CTSH: variants seen among roughly 807,000 people sequenced by gnomAD.
The protein encoded by CTSH is cathepsin H.
Under a neutral mutation model 56.3 loss-of-function variants are expected in CTSH, and 52 were observed. That is an observed-to-expected ratio of 0.92 (90% CI 0.74 to 1.16). The LOEUF is 1.16. CTSH is among the 50% of genes most tolerant of loss of function. CTSH has a pLI of 0.00. For missense variants in CTSH, 406 were observed against 424.5 expected, an observed-to-expected ratio of 0.96 and a Z score of 0.38; for synonymous variants, 174 against 155.7, an observed-to-expected ratio of 1.12 and a Z score of -0.88.
chr15:78,935,166 A>G (rs2055149592), intron 4 of CTSH, 84 bp from the exon 5 acceptor site: 4 of 903,562 alleles, frequency 4.4e-6, no homozygotes, highest in South Asian at 3.1e-5. Flanking sequence ...ATGTATAAAC[A>G]TGGAATCACC....
chr15:78,931,934 C>T, intron 6 of CTSH: 1 of 1,177,140 alleles, frequency 8.5e-7, no homozygotes, highest in Non-Finnish European at 1.1e-6. Context: ...CCTTTCTCCA[C>T]AGAGGCAGGG....
In CTSH at chr15:78,931,642, C is replaced by T. The variant is rs985657705; in HGVS notation, c.493-136G>A. The T allele has an allele frequency of 4.6e-6, 7 of 1,535,706 alleles. No individual in the cohort carries two copies. The African/African-American group carries it at 9.6e-5, about 21-fold the overall frequency. Reference sequence around the variant, plus strand: ...TGTCAAGGTGACCAAATTATAAACTCCCCAAGGGCAGGGACAGTTGCTGTA... The same window carrying T: ...TGTCAAGGTGACCAAATTATAAACTTCCCAAGGGCAGGGACAGTTGCTGTA... On this transcript the variant is annotated intron_variant, in intron 6 of 11. Coordinates refer to ENST00000220166, the MANE Select transcript of CTSH (RefSeq NM_004390.5).
At chr15:78,932,214 A>G (rs988975155) in intron 6 of CTSH, among the ~76,000 whole-genome samples, 158 bp downstream of exon 6, 4 of 152,174 alleles carry the variant, frequency 2.6e-5, no homozygotes, top group African/African-American at 4.8e-5. Context: ...AAAAGCATCA[A>G]TTGAGATTCT....
chr15:78,922,890 C>CCTGTGGCTGG (rs1400736721), intron 11 of CTSH, 103 bp downstream of exon 11: 58 of 1,414,320 alleles, frequency 4.1e-5, no homozygotes, highest in Non-Finnish European at 3.2e-5. Flanking sequence ...GGCTGACCAG[C>CCTGTGGCTGG]TCGTCTGTGG....
At chr15:78,929,159 T>C (rs2054989506) in intron 8 of CTSH, among the ~76,000 whole-genome samples, 1 of 151,734 alleles carries the variant, frequency 6.6e-6, no homozygotes, top group African/African-American at 2.4e-5. Flanking sequence ...CTGAGAAGTC[T>C]GGCTCGGGAA....
At chr15:78,928,768 G>A (rs961622369) in intron 8 of CTSH, among the ~76,000 whole-genome samples, 3 of 151,994 alleles carry the variant, frequency 2.0e-5, no homozygotes, top group Non-Finnish European at 4.4e-5. Context: ...AGTGGTCAGC[G>A]ACACAGATGG....
At chr15:78,923,690 G>A (rs895713309) in intron 10 of CTSH, among the ~76,000 whole-genome samples, 1 of 152,222 alleles carries the variant, frequency 6.6e-6, no homozygotes, top group Non-Finnish European at 1.5e-5. Flanking sequence ...TTCCTGGCAA[G>A]GAGAGAGCCA....
chr15:78,928,582 AAAAAAAAG>A (rs1312913992), intron 8 of CTSH, among the ~76,000 whole-genome samples: 12 of 150,248 alleles, frequency 8.0e-5, no homozygotes, highest in African/African-American at 2.0e-4. Context: ...AAAAAAAAAA[AAAAAAAAG>A]AAGGGAGAGT....
At chr15:78,930,112 C>T (rs550615213) in intron 7 of CTSH, among the ~76,000 whole-genome samples, 1 of 152,326 alleles carries the variant, frequency 6.6e-6, no homozygotes, top group African/African-American at 2.4e-5. Flanking sequence ...GCCAGAATGC[C>T]CGCTCTTCCA....
At chr15:78,941,320 G>C (rs1487295461) in intron 1 of CTSH, among the ~76,000 whole-genome samples, 2 of 150,572 alleles carry the variant, frequency 1.3e-5, no homozygotes, top group Non-Finnish European at 2.9e-5. Context: ...AGCTACTTGG[G>C]AGGCTGAGGC....
At chr15:78,932,348 G>C in intron 6 of CTSH, 24 bp downstream of exon 6, 1 of 1,606,554 alleles carries the variant, frequency 6.2e-7, no homozygotes, top group African/African-American at 1.3e-5. Context: ...CTCCGCAGGG[G>C]GTCGCCTGTG....
intron 1 of CTSH, 66 bp from the exon 2 acceptor site, chr15:78,939,237 G>A (rs1234928074): frequency 6.0e-6 from 8 of 1,344,202 alleles, no homozygotes; most frequent in Non-Finnish European, 8.2e-6. Context: ...TAGCAAAGTA[G>A]GGCACTTTAG....
At chr15:78,931,850 C>A in intron 6 of CTSH, 1 of 1,266,846 alleles carries the variant, frequency 7.9e-7, no homozygotes, top group Non-Finnish European at 1.0e-6. Context: ...ACAGGCCCAG[C>A]CAGAGACCCT....
At chr15:78,930,744 C>T (rs1039626814) in intron 7 of CTSH, among the ~76,000 whole-genome samples, 8 of 151,968 alleles carry the variant, frequency 5.3e-5, no homozygotes, top group Non-Finnish European at 8.8e-5. Flanking sequence ...GGCTGCAGCA[C>T]GGCTCCCTGC....
Position 78,929,394 on chromosome 15 carries a change from G to A in CTSH, c.630+18C>T. On this transcript the variant is annotated intron_variant, in intron 8 of 11. Transcript: ENST00000220166. ...ATGCTGTACGCCAAGAAGACAGAGT[G>A]GAGGCTGTTGGAGTTACCTTGCCCT... 2 of 1,597,558 alleles carry A rather than the reference G, an allele frequency of 1.3e-6. No homozygotes were observed. Among genetic ancestry groups the A allele is most frequent in the Non-Finnish European group, 1.7e-6 (2 of 1,166,070 alleles).
intron 10 of CTSH, among the ~76,000 whole-genome samples, chr15:78,924,427 G>C (rs1464580054): frequency 6.6e-6 from 1 of 151,896 alleles, no homozygotes; most frequent in Non-Finnish European, 1.5e-5. Flanking sequence ...TGGTGACCAG[G>C]GCAGAGCCTC....
At chr15:78,939,108 A>C (rs1384411248) in intron 2 of CTSH, 32 bp downstream of exon 2, 4 of 1,574,706 alleles carry the variant, frequency 2.5e-6, no homozygotes, top group Non-Finnish European at 3.5e-6. Context: ...TGTGAAATGA[A>C]AAACTTCAAA....
At chr15:78,934,802 G>C (rs775296575) in intron 5 of CTSH, 176 bp downstream of exon 5, 3 of 699,374 alleles carry the variant, frequency 4.3e-6, no homozygotes, top group African/African-American at 3.5e-5. Context: ...GAGCAGCCTA[G>C]AGAAGTGCTG....
intron 11 of CTSH, among the ~76,000 whole-genome samples, chr15:78,922,674 G>T (rs1054323221): frequency 6.6e-6 from 1 of 152,208 alleles, no homozygotes; most frequent in South Asian, 2.1e-4. Context: ...ATTTCTCAAA[G>T]ACGGACCCTC....
Sources: allele counts gnomAD v4.1 joint callset (sites outside exome capture counted in the v4.1 genomes callset), GRCh38; gene constraint gnomAD v4.1.1; transcripts MANE v1.5; gene names NCBI Gene and HGNC (gene_info 2026-07-23, HGNC 2026-07-21).